ZFYVE28: variants seen among roughly 807,000 people sequenced by gnomAD.
ZFYVE28 encodes zinc finger FYVE-type containing 28, also known as lateral signaling target protein 2 homolog.
A neutral mutation model predicts 82.1 loss-of-function variants in ZFYVE28; 40 were observed. The observed-to-expected ratio is 0.49, with a 90% CI of 0.38 to 0.63. The LOEUF (loss-of-function observed/expected upper bound fraction) is 0.63, where lower values mean the gene tolerates loss of function less well. Among genes scored for constraint, ZFYVE28 ranks in the 30% least tolerant of loss-of-function variants. The pLI is 0.00. For missense variants in ZFYVE28, 1,321 were observed against 1,242.1 expected (o/e 1.06, Z -0.96); for synonymous variants, 612 against 546.1 (o/e 1.12, Z -1.68).
intron 1 of ZFYVE28, among the ~76,000 whole-genome samples, chr4:2,383,657 G>A (rs4257708): frequency 0.34 from 51,004 of 152,004 alleles, 9,406 homozygotes; most frequent in East Asian, 0.5. Flanking sequence ...TTCATATCAC[G>A]CTTCAAGTGT....
At chr4:2,291,580 A>C (rs1013900387) in intron 8 of ZFYVE28, among the ~76,000 whole-genome samples, 4 of 152,122 alleles carry the variant, frequency 2.6e-5, no homozygotes, top group Non-Finnish European at 5.9e-5. Flanking sequence ...TCCACCTCAG[A>C]CACTGCTGTG....
chr4:2,381,078 C>T (rs1560312884), intron 1 of ZFYVE28, among the ~76,000 whole-genome samples: 1 of 152,176 alleles, frequency 6.6e-6, no homozygotes, highest in African/African-American at 2.4e-5. Context: ...TTCCTAGAGA[C>T]TTGTTGAATG....
intron 8 of ZFYVE28, among the ~76,000 whole-genome samples, chr4:2,303,909 T>C (rs1323400381): frequency 6.6e-6 from 1 of 152,214 alleles, no homozygotes; most frequent in Non-Finnish European, 1.5e-5. Flanking sequence ...GGCCCGGCGC[T>C]GGCACAGCCC....
At chr4:2,271,882 T>G in intron 10 of ZFYVE28, 103 bp from the exon 11 acceptor site, 2 of 1,074,488 alleles carry the variant, frequency 1.9e-6, no homozygotes, top group Non-Finnish European at 2.8e-6. Flanking sequence ...CAGCAGTCGG[T>G]CAGCTCCCCA....
chr4:2,274,039 G>A (rs371523650), intron 9 of ZFYVE28, 23 bp downstream of exon 9: 24 of 1,612,514 alleles, frequency 1.5e-5, no homozygotes, highest in Middle Eastern at 1.6e-4. Context: ...GCCATGCACC[G>A]GTCTCAGGCC....
intron 8 of ZFYVE28, among the ~76,000 whole-genome samples, chr4:2,288,899 T>C (rs557159183): frequency 6.6e-6 from 1 of 152,302 alleles, no homozygotes; most frequent in East Asian, 1.9e-4. Context: ...CCAGGAATCC[T>C]AGGCCGCAGT....
At chr4:2,274,487 T>G (rs11248094) in intron 8 of ZFYVE28, among the ~76,000 whole-genome samples, 96,436 of 151,844 alleles carry the variant, frequency 0.64, 31,615 homozygotes, top group African/African-American at 0.79. Flanking sequence ...TGACAGCTGG[T>G]GGCGACTCAC....
intron 1 of ZFYVE28, among the ~76,000 whole-genome samples, chr4:2,389,339 GC>G (rs1729588091): frequency 1.3e-5 from 2 of 152,194 alleles, no homozygotes; most frequent in African/African-American, 2.4e-5. Context: ...GACATGAGAG[GC>G]CAGCCTGCCT....
chr4:2,354,419 C>T (rs1043418006), intron 1 of ZFYVE28, among the ~76,000 whole-genome samples: 4 of 151,538 alleles, frequency 2.6e-5, no homozygotes, highest in African/African-American at 7.3e-5. Context: ...GTGGGGTCCC[C>T]GGCGCTCCAG....
intron 1 of ZFYVE28, among the ~76,000 whole-genome samples, chr4:2,376,542 C>A (rs1047667658): frequency 5.3e-5 from 8 of 152,080 alleles, no homozygotes; most frequent in Non-Finnish European, 1.2e-4. Flanking sequence ...TACAACCATG[C>A]AGAAGGTACC....
rs1409296172 is a variant in ZFYVE28, at chr4:2,372,278, G to A, written c.40-18205C>T. On this transcript the variant is annotated intron_variant, in intron 1 of 12. Coordinates refer to ENST00000290974, the MANE Select transcript of ZFYVE28 (RefSeq NM_020972.3). The surrounding 1 kb of genome is among the most constrained non-coding windows in gnomAD (Gnocchi z 5.2). ...TCTGGTTCCGAGAAGGACTCGTGAGGGGGTAGGAATGGTCCCACCACCCTC... is the reference window on the plus strand; with the variant it reads ...TCTGGTTCCGAGAAGGACTCGTGAGAGGGTAGGAATGGTCCCACCACCCTC... 1.3e-5 allele frequency among the ~76,000 whole-genome samples: 2 copies of A among 152,132 alleles called. No individual in the cohort carries two copies. The highest frequency in any genetic ancestry group is 2.4e-5 in the African/African-American group (1 of 41,414).
chr4:2,379,120 G>C (rs1728465154), intron 1 of ZFYVE28, among the ~76,000 whole-genome samples: 1 of 152,216 alleles, frequency 6.6e-6, no homozygotes, highest in Non-Finnish European at 1.5e-5. Flanking sequence ...CAGCATCTGA[G>C]AGTGGCCAAG....
Position 2,410,361 on chromosome 4 carries a change from T to A in ZFYVE28, c.39+7924A>T, listed in dbSNP as rs967698066. Among the ~76,000 whole-genome samples the A allele has an allele frequency of 9.9e-5, 15 of 152,064 alleles. No individual in the cohort carries two copies. The East Asian group carries it at 1.7e-3, about 18-fold the overall frequency. ...TGGACATTTCATAGAAATGGAATCA[T>A]ACAAGACGCAGCCCTTTGTGACTGG... is the stretch of plus-strand genomic sequence containing the variant. On this transcript the variant is annotated intron_variant, in intron 1 of 12. Coordinates refer to ENST00000290974, the MANE Select transcript of ZFYVE28 (RefSeq NM_020972.3).
At chr4:2,337,677 T>A (rs1722067144) in intron 4 of ZFYVE28, among the ~76,000 whole-genome samples, 181 bp from the exon 5 acceptor site, 1 of 151,500 alleles carries the variant, frequency 6.6e-6, no homozygotes, top group African/African-American at 2.4e-5. Context: ...AGCCCAGGAG[T>A]TCGAGGCACC....
chr4:2,274,827 G>C (rs1293093362), intron 8 of ZFYVE28, among the ~76,000 whole-genome samples: 1 of 143,542 alleles, frequency 7.0e-6, no homozygotes, highest in Non-Finnish European at 1.5e-5. Flanking sequence ...TGAGACCGGA[G>C]ACGCGGCCCC....
intron 1 of ZFYVE28, among the ~76,000 whole-genome samples, chr4:2,389,658 G>C (rs979916606): frequency 2.0e-5 from 3 of 152,184 alleles, no homozygotes; most frequent in African/African-American, 7.2e-5. Flanking sequence ...TCCATTCCCC[G>C]ATCCGGCTCC....
chr4:2,349,140 G>A (rs528609551), intron 2 of ZFYVE28, among the ~76,000 whole-genome samples: 6 of 152,200 alleles, frequency 3.9e-5, no homozygotes, highest in African/African-American at 1.4e-4. Flanking sequence ...AAATAGCTAT[G>A]GTGAGAAGGC....
intron 8 of ZFYVE28, among the ~76,000 whole-genome samples, chr4:2,304,027 C>T (rs1394258686): frequency 3.3e-5 from 5 of 152,230 alleles, no homozygotes; most frequent in African/African-American, 1.2e-4. Flanking sequence ...ACCTGACAGG[C>T]ACCCGGAACA....
chr4:2,283,738 C>T (rs1404066519), intron 8 of ZFYVE28, among the ~76,000 whole-genome samples: 1 of 152,174 alleles, frequency 6.6e-6, no homozygotes, highest in African/African-American at 2.4e-5. Context: ...GAAAGTGTAA[C>T]AGAGGAACCA....
Sources: gnomAD v4.1 joint callset for allele counts (sites outside exome capture counted in the v4.1 genomes callset) on GRCh38, gnomAD v4.1.1 for gene constraint, Gnocchi (gnomAD v3.1) non-coding constraint, MANE v1.5 for transcripts, NCBI Gene and HGNC (gene_info 2026-07-23, HGNC 2026-07-21) for gene names.